SLC9A4: variants seen among roughly 807,000 people sequenced by gnomAD.
The protein encoded by SLC9A4 is solute carrier family 9 member A4.
In SLC9A4, 63 loss-of-function variants were observed where a neutral mutation model predicts 67.4. The ratio of observed to expected loss-of-function variants is 0.93; its 90% CI spans 0.76 to 1.15. SLC9A4 has a LOEUF of 1.15. Ranked by LOEUF, SLC9A4 falls within the 50% of genes most tolerant of loss-of-function variation. SLC9A4 has a pLI of 0.00. For missense variants in SLC9A4, 1,089 were observed against 987.7 expected, an observed-to-expected ratio of 1.10 and a Z score of -1.38; for synonymous variants, 393 against 367.2, an observed-to-expected ratio of 1.07 and a Z score of -0.80.
intron 2 of SLC9A4, among the ~76,000 whole-genome samples, chr2:102,494,775 T>C (rs1684771619): frequency 6.6e-6 from 1 of 152,034 alleles, no homozygotes; most frequent in African/African-American, 2.4e-5. Context: ...AGCTGACTAA[T>C]CAAGAATACC....
At chr2:102,488,370 A>G (rs1235280390) in intron 2 of SLC9A4, among the ~76,000 whole-genome samples, 1 of 152,096 alleles carries the variant, frequency 6.6e-6, no homozygotes, top group East Asian at 1.9e-4. Flanking sequence ...AGAACCTGTT[A>G]CACAGGCCTG....
intron 7 of SLC9A4, among the ~76,000 whole-genome samples, chr2:102,512,690 T>G (rs1315525992): frequency 6.6e-6 from 1 of 152,050 alleles, no homozygotes; most frequent in African/African-American, 2.4e-5. Context: ...TGGTGGAAGA[T>G]CTTTAAGATT....
chr2:102,480,114 G>T (rs918839784), intron 2 of SLC9A4, among the ~76,000 whole-genome samples: 1 of 152,082 alleles, frequency 6.6e-6, no homozygotes, highest in Non-Finnish European at 1.5e-5. Context: ...CATTTTCACT[G>T]TAAGAATCAA....
intron 2 of SLC9A4, among the ~76,000 whole-genome samples, chr2:102,484,081 T>C (rs1294724999): frequency 3.3e-5 from 5 of 152,020 alleles, no homozygotes; most frequent in Non-Finnish European, 7.4e-5. Context: ...TATGTCACTT[T>C]TGCATTTATT....
chr2:102,473,537 G>C lies in SLC9A4; in HGVS notation c.-223G>C, dbSNP rs537901211. ...ACAAGTCTATTGAATAACTGCATTT[G>C]AGTTGGAAGCTGAGTTGCCTGAACA... On this transcript the variant is annotated 5_prime_UTR_variant, in exon 1 of 12. An upstream open reading frame in the 5' UTR loses its in-frame stop. Coordinates refer to ENST00000295269, the MANE Select transcript of SLC9A4 (RefSeq NM_001011552.4). 1.4e-5 allele frequency: 8 copies of C among 555,928 alleles called. No individual in the cohort carries two copies. Among genetic ancestry groups the C allele is most frequent in the African/African-American group, 9.4e-5 (5 of 53,100 alleles). The allele number at this position is 555,928 out of a possible 1,614,324, so 34.4% of individuals were successfully genotyped here. A position where few individuals can be genotyped will look rare whatever the true frequency, so the allele number is the denominator to read the frequency against.
chr2:102,477,109 C>T (rs1452394409), intron 1 of SLC9A4, among the ~76,000 whole-genome samples: 1 of 152,192 alleles, frequency 6.6e-6, no homozygotes, highest in African/African-American at 2.4e-5. Flanking sequence ...TCCCCATGGC[C>T]TATGGCTGGA....
intron 7 of SLC9A4, among the ~76,000 whole-genome samples, chr2:102,512,669 TG>T (rs1448903137): frequency 3.3e-5 from 5 of 152,238 alleles, no homozygotes; most frequent in African/African-American, 9.6e-5. Context: ...CCTCCATTGT[TG>T]GGGAGGCCAT....
chr2:102,508,481 A>G (rs964916119), intron 5 of SLC9A4, among the ~76,000 whole-genome samples, 200 bp downstream of exon 5: 68 of 152,194 alleles, frequency 4.5e-4, no homozygotes, highest in African/African-American at 1.6e-3. Flanking sequence ...AATACAGCAT[A>G]TTTATCAAAA....
At chr2:102,513,583 T>C (rs968249085) in intron 7 of SLC9A4, among the ~76,000 whole-genome samples, 4 of 152,130 alleles carry the variant, frequency 2.6e-5, no homozygotes, top group Non-Finnish European at 5.9e-5. Flanking sequence ...TTCCCCTTAA[T>C]TGGTAGGATT....
In SLC9A4 at chr2:102,508,873, G is replaced by T. The variant is rs754609127; in HGVS notation, c.1428G>T (p.Arg476Ser). 1 of 1,612,696 alleles carries T rather than the reference G, an allele frequency of 6.2e-7. No individual in the cohort carries two copies. The highest frequency in any genetic ancestry group is 2.2e-5 in the East Asian group (1 of 44,822). Reference protein sequence around the residue: ...IQGITVGPLVRYLDVKKTNKK... With the variant: ...IQGITVGPLVSYLDVKKTNKK... The stretch of plus-strand genomic sequence containing the variant: ...GAATCACAGTTGGCCCTCTGGTCAG[G>T]TACCTGGATGTTAAAAAAACCAATA... The change falls in exon 6 of 12, where the codon AGG becomes AGT. Residue 476 changes from arginine (R) to serine (S), a missense_variant. Coordinates refer to ENST00000295269, the MANE Select transcript of SLC9A4 (RefSeq NM_001011552.4).
intron 2 of SLC9A4, among the ~76,000 whole-genome samples, chr2:102,482,989 A>G (rs1032208743): frequency 6.6e-6 from 1 of 152,034 alleles, no homozygotes; most frequent in Non-Finnish European, 1.5e-5. Context: ...TGGAGAGCCA[A>G]CTCTGGCTTG....
At chr2:102,495,050 T>C (rs1462497426) in intron 2 of SLC9A4, among the ~76,000 whole-genome samples, 1 of 152,098 alleles carries the variant, frequency 6.6e-6, no homozygotes, top group East Asian at 1.9e-4. Context: ...CAAGGGCTTA[T>C]GGTATGCTTA....
At chr2:102,522,335 A>G (rs1008753469) in intron 9 of SLC9A4, among the ~76,000 whole-genome samples, 2 of 152,168 alleles carry the variant, frequency 1.3e-5, no homozygotes, top group African/African-American at 4.8e-5. Flanking sequence ...TGAAAAAGAC[A>G]AAGTTCATTC....
rs1365964576 is a variant in SLC9A4 at position 102,473,951 on chromosome 2, T to C, written c.192T>C (p.Tyr64=). Residue 64 remains tyrosine (Y), a synonymous_variant, in exon 1 of 12, where the codon TAT becomes TAC. Coordinates refer to ENST00000295269, the MANE Select transcript of SLC9A4 (RefSeq NM_001011552.4). Reference sequence around the variant, plus strand: ...GGATATCTGTTTTTGAACTGGATTATGACTATGTGCAAATTCCTTATGAGG... The same window carrying C: ...GGATATCTGTTTTTGAACTGGATTACGACTATGTGCAAATTCCTTATGAGG... The part of the protein sequence containing the change: ...EEGISVFELD[Y]DYVQIPYEVT... 2 of 1,614,104 alleles carry C rather than the reference T, an allele frequency of 1.2e-6. No individual in the cohort carries two copies. Among genetic ancestry groups the C allele is most frequent in the Non-Finnish European group, 8.5e-7 (1 of 1,179,946 alleles).
chr2:102,505,215 A>T, intron 3 of SLC9A4, 39 bp from the exon 4 acceptor site: 1 of 1,591,920 alleles, frequency 6.3e-7, no homozygotes, highest in Non-Finnish European at 8.6e-7. Flanking sequence ...GAGGGGGAAA[A>T]CCTCATGGAT....
intron 10 of SLC9A4, among the ~76,000 whole-genome samples, chr2:102,526,053 A>T (rs1674657640): frequency 6.6e-6 from 1 of 151,850 alleles, no homozygotes; most frequent in South Asian, 2.1e-4. Context: ...ACGCCCTGCT[A>T]ATTTTTGTAT....
chr2:102,476,190 T>C (rs1410079722), intron 1 of SLC9A4, among the ~76,000 whole-genome samples: 2 of 152,206 alleles, frequency 1.3e-5, no homozygotes, highest in Non-Finnish European at 2.9e-5. Flanking sequence ...ACAAAGATAA[T>C]ACAAAGCCAC....
At chr2:102,497,638 C>T (rs1684838140) in intron 2 of SLC9A4, among the ~76,000 whole-genome samples, 1 of 152,066 alleles carries the variant, frequency 6.6e-6, no homozygotes, top group Non-Finnish European at 1.5e-5. Context: ...TCTATTGTGA[C>T]AATAATAAAT....
chr2:102,532,597 C>A lies in SLC9A4; in HGVS notation c.2306C>A (p.Ser769Tyr). 3 of 1,614,018 alleles carry A rather than the reference C, an allele frequency of 1.9e-6. No homozygotes were observed. The South Asian group carries it at 3.3e-5, about 18-fold the overall frequency. ...ESGGESEGKASLVEVRSRWTA... is the reference protein window; with the variant it reads ...ESGGESEGKAYLVEVRSRWTA... ...GGAGGGGAGAGTGAGGGCAAGGCCT[C>A]TTTGGTTGAGGTTCGGTCGAGGTGG... The change falls in exon 12 of 12, where the codon TCT (serine) becomes TAT (tyrosine). Residue 769 changes from serine to tyrosine, a missense_variant. Coordinates refer to ENST00000295269, the MANE Select transcript of SLC9A4 (RefSeq NM_001011552.4).
Sources: gnomAD v4.1 joint callset for allele counts (sites outside exome capture counted in the v4.1 genomes callset) on GRCh38, gnomAD v4.1.1 for gene constraint, MANE v1.5 for transcripts, NCBI Gene and HGNC (gene_info 2026-07-23, HGNC 2026-07-21) for gene names.